Variants in SLC35F4 observed in about 807,000 individuals in gnomAD.
SLC35F4 encodes the protein solute carrier family 35 member F4, also known as chromosome 14 open reading frame 36.
A neutral mutation model predicts 44.2 loss-of-function variants in SLC35F4; 24 were observed. The observed-to-expected ratio is 0.54, with a 90% CI of 0.39 to 0.76. SLC35F4 has a LOEUF of 0.76. SLC35F4 is among the 30% of genes least tolerant of loss of function. The pLI is 0.00. For missense variants in SLC35F4, 562 were observed against 586.1 expected (o/e 0.96, Z 0.42); for synonymous variants, 238 against 223.6 (o/e 1.06, Z -0.57).
intron 1 of SLC35F4, among the ~76,000 whole-genome samples, chr14:57,626,814 A>G (rs2072498617): frequency 6.6e-6 from 1 of 152,198 alleles, no homozygotes; most frequent in Non-Finnish European, 1.5e-5. Context: ...GTGGCAGCAC[A>G]TGGTTTGGTT....
chr14:57,708,825 A>G (rs1252295780), intron 1 of SLC35F4, among the ~76,000 whole-genome samples: 1 of 152,024 alleles, frequency 6.6e-6, no homozygotes, highest in Non-Finnish European at 1.5e-5. Flanking sequence ...AGTGTGAGCC[A>G]TCTCCAATGA....
chr14:57,905,107 A>G (rs1451362352), intron 1 of SLC35F4, among the ~76,000 whole-genome samples: 1 of 152,236 alleles, frequency 6.6e-6, no homozygotes, highest in Non-Finnish European at 1.5e-5. Context: ...CATGAGTTGC[A>G]GTTAGACATC....
chr14:57,869,107 T>C (rs1888241670), upstream of SLC35F4, among the ~76,000 whole-genome samples: 1 of 152,138 alleles, frequency 6.6e-6, no homozygotes, highest in Non-Finnish European at 1.5e-5. Flanking sequence ...TGAGTTTTGA[T>C]ATATGAGCCA....
chr14:57,627,400 T>C (rs952878405), intron 1 of SLC35F4, among the ~76,000 whole-genome samples: 1 of 152,144 alleles, frequency 6.6e-6, no homozygotes, highest in African/African-American at 2.4e-5. Context: ...CAAACACTAG[T>C]GGTTAATACG....
chr14:57,777,461 G>T (rs1479487937), intron 1 of SLC35F4, among the ~76,000 whole-genome samples: 2 of 152,188 alleles, frequency 1.3e-5, no homozygotes, highest in Non-Finnish European at 2.9e-5. Flanking sequence ...AAAAGGATGA[G>T]TTCATGTCTT....
At chr14:57,679,574 A>G (rs1258020436) in intron 1 of SLC35F4, among the ~76,000 whole-genome samples, 2 of 152,098 alleles carry the variant, frequency 1.3e-5, no homozygotes, top group Non-Finnish European at 2.9e-5. Flanking sequence ...CAAAAAATCA[A>G]TGAATCCAGG....
chr14:57,851,797 G>T (rs1046583492), intron 1 of SLC35F4, among the ~76,000 whole-genome samples: 1 of 152,088 alleles, frequency 6.6e-6, no homozygotes. Flanking sequence ...CACCAGTGTT[G>T]GTTTCTTCAT....
chr14:57,619,947 T>A (rs2072081371), intron 1 of SLC35F4, among the ~76,000 whole-genome samples: 1 of 151,394 alleles, frequency 6.6e-6, no homozygotes, highest in African/African-American at 2.4e-5. Flanking sequence ...TATCAGAGAC[T>A]GAAGATCAAC....
upstream of SLC35F4, among the ~76,000 whole-genome samples, chr14:57,867,258 G>A (rs531504464): frequency 6.6e-5 from 10 of 152,268 alleles, no homozygotes; most frequent in South Asian, 2.1e-4. Context: ...CACATTGTGT[G>A]TGGGCCCTTA....
chr14:57,912,582 A>G (rs953994391), intron 1 of SLC35F4, among the ~76,000 whole-genome samples: 1 of 151,934 alleles, frequency 6.6e-6, no homozygotes, highest in Non-Finnish European at 1.5e-5. Context: ...TTTTTCCAGC[A>G]TCTTTCTGTT....
chr14:57,712,912 G>T (rs2075849303), intron 1 of SLC35F4, among the ~76,000 whole-genome samples: 1 of 152,148 alleles, frequency 6.6e-6, no homozygotes, highest in Non-Finnish European at 1.5e-5. Context: ...CCTTTGAGGA[G>T]TTTCAGTACC....
At chr14:57,950,591 T>C (rs530489075) in intron 1 of SLC35F4, among the ~76,000 whole-genome samples, 36 of 152,092 alleles carry the variant, frequency 2.4e-4, no homozygotes, top group Non-Finnish European at 4.7e-4. Context: ...GGGGATGTTA[T>C]AGGACTCTGT....
At chr14:57,718,410 G>A (rs1166770872) in intron 1 of SLC35F4, among the ~76,000 whole-genome samples, 1 of 152,130 alleles carries the variant, frequency 6.6e-6, no homozygotes, top group Non-Finnish European at 1.5e-5. Context: ...AGTTTTTTGA[G>A]GAACCTCCAA....
intron 1 of SLC35F4, among the ~76,000 whole-genome samples, chr14:57,707,132 G>A (rs2075696765): frequency 6.6e-6 from 1 of 152,186 alleles, no homozygotes; most frequent in African/African-American, 2.4e-5. Flanking sequence ...GGAGAATAAA[G>A]GAGAAGGTGT....
At chr14:57,576,864 T>C (rs2139757220) in intron 4 of SLC35F4, among the ~76,000 whole-genome samples, 1 of 152,254 alleles carries the variant, frequency 6.6e-6, no homozygotes, top group South Asian at 2.1e-4. Flanking sequence ...GAAGGATATA[T>C]GTGGAGGGTA....
At chr14:57,856,668 T>C (rs1288814878) in intron 1 of SLC35F4, among the ~76,000 whole-genome samples, 2 of 152,080 alleles carry the variant, frequency 1.3e-5, no homozygotes, top group Non-Finnish European at 2.9e-5. Flanking sequence ...TATTACAAAA[T>C]ACTTCTCAAA....
At position 57,845,993 on chromosome 14, in the gene SLC35F4, G is replaced by A. The variant is rs114127106; in HGVS notation, c.103+19730C>T. Among the ~76,000 whole-genome samples the A allele has an allele frequency of 1.5e-3, 235 of 152,198 alleles. 1 individual carries two copies. The highest frequency in any genetic ancestry group is 5.3e-3 in the African/African-American group (222 of 41,520). Reference sequence around the variant, plus strand: ...CAAGATGAGTAATAAGGCCATTGAAGACAGCTTTATTAAATACTGCACAAG... The same window carrying A: ...CAAGATGAGTAATAAGGCCATTGAAAACAGCTTTATTAAATACTGCACAAG... On this transcript the variant is annotated intron_variant, in intron 1 of 7. Transcript: ENST00000556826.
At chr14:57,972,635 G>T (rs1293926973), downstream of SLC35F4, among the ~76,000 whole-genome samples, 1 of 152,084 alleles carries the variant, frequency 6.6e-6, no homozygotes, top group Non-Finnish European at 1.5e-5. Flanking sequence ...ATTTGGGGCT[G>T]ATTCATAGCA....
intron 4 of SLC35F4, among the ~76,000 whole-genome samples, chr14:57,577,447 A>G (rs887100201): frequency 1.3e-5 from 2 of 152,174 alleles, no homozygotes; most frequent in African/African-American, 4.8e-5. Context: ...GATCTGCTGA[A>G]CCATCCACCA....
Sources: allele counts gnomAD v4.1 joint callset (sites outside exome capture counted in the v4.1 genomes callset), GRCh38; gene constraint gnomAD v4.1.1; transcripts MANE v1.5; gene names NCBI Gene and HGNC (gene_info 2026-07-23, HGNC 2026-07-21).